CNTNAP4: variants seen among roughly 807,000 people sequenced by gnomAD.
CNTNAP4 encodes the protein contactin-associated protein-like 4.
In CNTNAP4, 98 loss-of-function variants were observed where a neutral mutation model predicts 148.4. That is an observed-to-expected ratio of 0.66 (90% CI 0.56 to 0.78). CNTNAP4 has a LOEUF of 0.78. Ranked by LOEUF, CNTNAP4 falls within the 30% of genes least tolerant of loss-of-function variation. The pLI is 0.00. For missense variants in CNTNAP4, 1,935 were observed against 1,565.6 expected (o/e 1.24, Z -3.98); for synonymous variants, 730 against 565.1 (o/e 1.29, Z -4.14).
chr16:76,323,655 C>T (rs1029449929), intron 2 of CNTNAP4, among the ~76,000 whole-genome samples: 10 of 152,112 alleles, frequency 6.6e-5, no homozygotes, highest in Non-Finnish European at 1.3e-4. Context: ...TCTTGGCTTT[C>T]GATATTGCCC....
At chr16:76,382,060 CAAAAAAAAA>C (rs67028367) in intron 3 of CNTNAP4, among the ~76,000 whole-genome samples, 23 of 53,330 alleles carry the variant, frequency 4.3e-4, no homozygotes, top group Middle Eastern at 0.018. Context: ...GACTCCGTCT[CAAAAAAAAA>C]AAAAAAAAAA....
At chr16:76,344,844 C>T (rs1317780800) in intron 2 of CNTNAP4, among the ~76,000 whole-genome samples, 1 of 152,192 alleles carries the variant, frequency 6.6e-6, no homozygotes, top group African/African-American at 2.4e-5. Context: ...TCCTAACCTT[C>T]TACTCTTTTC....
chr16:76,388,115 G>A (rs899668185), intron 3 of CNTNAP4, among the ~76,000 whole-genome samples: 1 of 152,148 alleles, frequency 6.6e-6, no homozygotes, highest in Non-Finnish European at 1.5e-5. Context: ...AAGTGTGGGT[G>A]GGTTGTGATT....
At chr16:76,418,451 G>GT (rs2079065062) in intron 3 of CNTNAP4, among the ~76,000 whole-genome samples, 1 of 148,852 alleles carries the variant, frequency 6.7e-6, no homozygotes, top group Non-Finnish European at 1.5e-5. Context: ...ACAATCTTCT[G>GT]ATCTTTTGTT....
In CNTNAP4 at chr16:76,469,631, C is replaced by T. The variant is rs540987058; in HGVS notation, c.1655+2108C>T. The T allele has an allele frequency of 2.6e-5, 4 of 152,282 alleles. No individual in the cohort carries two copies. In the South Asian group the frequency reaches 8.3e-4, roughly 32 times the overall value. 9.4% of individuals were successfully genotyped at this position (152,282 alleles called of 1,614,324 possible). ...GAGCTGCCATGTCACACAAGGACTC[C>T]CGGTTGCCTACTTTCTGAAGGTACA... On this transcript the variant is annotated intron_variant, in intron 10 of 23. Coordinates refer to ENST00000611870, the MANE Select transcript of CNTNAP4 (RefSeq NM_033401.5).
chr16:76,412,586 C>G (rs1468567901), intron 3 of CNTNAP4, among the ~76,000 whole-genome samples: 1 of 151,382 alleles, frequency 6.6e-6, no homozygotes, highest in Non-Finnish European at 1.5e-5. Context: ...GTGTGCATAA[C>G]TCTCACACTT....
intron 16 of CNTNAP4, 133 bp from the exon 17 acceptor site, chr16:76,521,906 C>A: frequency 1.3e-6 from 1 of 792,718 alleles, no homozygotes; most frequent in Admixed American, 1.9e-5. Flanking sequence ...CAAACAATAG[C>A]ATTGAAACCA....
intron 4 of CNTNAP4, among the ~76,000 whole-genome samples, chr16:76,442,581 AGAAGGTCAAAAGG>A (rs2080087316): frequency 6.6e-6 from 1 of 152,178 alleles, no homozygotes; most frequent in East Asian, 1.9e-4. Flanking sequence ...AAAACAGTGG[AGAAGGTCAAAAGG>A]GATGTGGAAA....
intron 2 of CNTNAP4, among the ~76,000 whole-genome samples, chr16:76,341,652 T>C (rs140715067): frequency 1.3e-5 from 2 of 152,212 alleles, no homozygotes; most frequent in Admixed American, 6.5e-5. Flanking sequence ...CATCCATGAA[T>C]AGATATATGG....
chr16:76,452,718 C>G lies in CNTNAP4; in HGVS notation c.1282C>G (p.Leu428Val). 6.2e-7 allele frequency: 1 copy of G among 1,610,414 alleles called. No individual in the cohort carries two copies. Among genetic ancestry groups the G allele is most frequent in the Non-Finnish European group, 8.5e-7 (1 of 1,177,940 alleles). ...CCTCCTCTTTCTGAGTGATGGAAAA[C>G]TTAAGTCGAATCTCTACCAGCCAGG... The part of the protein sequence containing the change: ...GILLFLSDGK[L>V]KSNLYQPGKL... Residue 428 changes from leucine (L) to valine (V), a missense_variant, in exon 8 of 24, where the codon CTT becomes GTT. Transcript: ENST00000611870.
intron 8 of CNTNAP4, among the ~76,000 whole-genome samples, chr16:76,458,853 G>C (rs2080833072): frequency 6.6e-6 from 1 of 152,072 alleles, no homozygotes; most frequent in African/African-American, 2.4e-5. Context: ...GGGATTGCTG[G>C]GTCGAATAGT....
intron 1 of CNTNAP4, among the ~76,000 whole-genome samples, chr16:76,309,590 T>G (rs7201761): frequency 6.6e-6 from 1 of 152,026 alleles, no homozygotes; most frequent in Non-Finnish European, 1.5e-5. Flanking sequence ...ATTGGAAACA[T>G]GGGCAAAAAT....
intron 15 of CNTNAP4, among the ~76,000 whole-genome samples, chr16:76,512,956 G>C (rs145385634): frequency 6.6e-6 from 1 of 152,256 alleles, no homozygotes. Context: ...CCTTGGTGAT[G>C]GTTTGTTTTG....
chr16:76,342,465 CTTTTTTTTTT>C (rs397854943), intron 2 of CNTNAP4, among the ~76,000 whole-genome samples: 1 of 91,490 alleles, frequency 1.1e-5, no homozygotes, highest in African/African-American at 5.1e-5. Flanking sequence ...TTGCTAATTT[CTTTTTTTTTT>C]TTTTTTTTTT....
chr16:76,401,156 CT>C (rs2078403011), intron 3 of CNTNAP4, among the ~76,000 whole-genome samples: 1 of 152,116 alleles, frequency 6.6e-6, no homozygotes, highest in South Asian at 2.1e-4. Context: ...GATAGTGAGT[CT>C]TCCTATCTAT....
chr16:76,314,016 G>T (rs1961431072), intron 1 of CNTNAP4, among the ~76,000 whole-genome samples: 1 of 152,108 alleles, frequency 6.6e-6, no homozygotes, highest in Admixed American at 6.6e-5. Flanking sequence ...AACATGTATG[G>T]ATTTCATGAT....
intron 2 of CNTNAP4, among the ~76,000 whole-genome samples, chr16:76,318,979 A>G (rs543397435): frequency 1.3e-5 from 2 of 152,178 alleles, no homozygotes; most frequent in African/African-American, 4.8e-5. Context: ...AGAGCCAAAG[A>G]ATAGAGCAAA....
chr16:76,415,157 A>G (rs2078931529), intron 3 of CNTNAP4, among the ~76,000 whole-genome samples: 1 of 151,238 alleles, frequency 6.6e-6, no homozygotes, highest in South Asian at 2.1e-4. Flanking sequence ...GTATTTATGA[A>G]GTATGTTTTC....
In CNTNAP4 at chr16:76,508,755, T is replaced by G. The variant is rs1342475445; in HGVS notation, c.2365+10061T>G. Among the ~76,000 whole-genome samples the G allele has an allele frequency of 8.3e-5, 6 of 72,186 alleles. 1 individual carries two copies. Among genetic ancestry groups the G allele is most frequent in the African/African-American group, 2.4e-4 (6 of 25,016 alleles). The allele number at this position is 72,186 out of a possible 152,430, so 47.4% of individuals were successfully genotyped here. ...ACTGACTTGATACAAAATCATAACT[T>G]TTTTTTTTTTTTTTTGAGATGGAGT... On this transcript the variant is annotated intron_variant, in intron 15 of 23. Transcript: ENST00000611870.
Sources: gnomAD v4.1 joint callset for allele counts (sites outside exome capture counted in the v4.1 genomes callset) on GRCh38, gnomAD v4.1.1 for gene constraint, MANE v1.5 for transcripts, NCBI Gene and HGNC (gene_info 2026-07-23, HGNC 2026-07-21) for gene names.